IRF9: variants seen among roughly 807,000 people sequenced by gnomAD.
IRF9 encodes interferon regulatory factor 9, also known as IFN-alpha-responsive transcription factor subunit.
IRF9 carries 13 observed loss-of-function variants against 44.1 expected under a neutral mutation model. The observed-to-expected ratio is 0.29, with a 90% CI of 0.19 to 0.47. The LOEUF is 0.47. IRF9 is among the 20% of genes least tolerant of loss of function. The pLI is 1.00. For missense variants in IRF9, 373 were observed against 496.1 expected, an observed-to-expected ratio of 0.75 and a Z score of 2.36; for synonymous variants, 189 against 188.5, an observed-to-expected ratio of 1.00 and a Z score of -0.02.
At position 24,163,361 on chromosome 14, in the gene IRF9, C is replaced by G. The variant is rs748150009; in HGVS notation, c.365-17C>G. On this transcript the variant is annotated splice_polypyrimidine_tract_variant and intron_variant, in intron 3 of 8. Coordinates refer to ENST00000396864, the MANE Select transcript of IRF9 (RefSeq NM_006084.5). ...CTCAAGACCCTGACCTTTCTCTGTC[C>G]CTCAACAATTCCACAGGCCAGCCAG... The G allele has an allele frequency of 8.7e-6, 14 of 1,611,342 alleles. No individual in the cohort carries two copies. The highest frequency in any genetic ancestry group is 1.2e-5 in the Non-Finnish European group (14 of 1,178,310).
intron 2 of IRF9, 85 bp downstream of exon 2, chr14:24,162,409 G>A: frequency 7.4e-7 from 1 of 1,356,114 alleles, no homozygotes; most frequent in Non-Finnish European, 1.0e-6. Flanking sequence ...ACTTGCGTCT[G>A]CCTGGGTTTC....
Position 24,164,445 on chromosome 14 carries a change from T to C in IRF9, c.650-169T>C. ...CTACAAGCCCCTGGGCATTGAGCCC[T>C]GAGGCCTCATGGTGAATCACATACT... On this transcript the variant is annotated intron_variant, in intron 6 of 8. Transcript: ENST00000396864. The surrounding 1 kb of genome is among the most constrained non-coding windows in gnomAD (Gnocchi z 5.2). The C allele has an allele frequency of 3.0e-6, 2 of 675,670 alleles. No homozygotes were observed. The highest frequency in any genetic ancestry group is 5.0e-6 in the Non-Finnish European group (2 of 397,520). The allele number at this position is 675,670 out of a possible 1,614,324, so 41.9% of individuals were successfully genotyped here.
intron 3 of IRF9, 49 bp from the exon 4 acceptor site, chr14:24,163,329 G>A: frequency 6.3e-7 from 1 of 1,597,150 alleles, no homozygotes; most frequent in East Asian, 2.2e-5. Flanking sequence ...TTCACCCTCT[G>A]TCCTTGCTCA....
chr14:24,163,176 C>G, intron 3 of IRF9, 27 bp downstream of exon 3: 1 of 1,609,990 alleles, frequency 6.2e-7, no homozygotes, highest in East Asian at 2.2e-5. Context: ...CCAACCACTG[C>G]TAGACTCAGC....
chr14:24,166,131 G>C lies in IRF9; in HGVS notation c.1117G>C (p.Ala373Pro). 1 of 1,613,998 alleles carries C rather than the reference G, an allele frequency of 6.2e-7. No homozygotes were observed. Among genetic ancestry groups the C allele is most frequent in the Non-Finnish European group, 8.5e-7 (1 of 1,180,000 alleles). Residue 373 changes from alanine (A) to proline (P), a missense_variant, in exon 9 of 9, where the codon GCC becomes CCC. Transcript: ENST00000396864. ...ATCTCTTCCAATACAGATGGAGCAG[G>C]CCTTTGCCCGATACTTGCTGGAGCA... ...QNLITVKMEQAFARYLLEQTP... is the reference protein window; with the variant it reads ...QNLITVKMEQPFARYLLEQTP...
In IRF9 at chr14:24,164,334, C is replaced by A; in HGVS notation, c.649+200C>A. ...AAAGCTTGCTTCCCAAAAATACCAC[C>A]CTATACACTCTCCTGGAAATCTACA... is the stretch of plus-strand genomic sequence containing the variant. On this transcript the variant is annotated intron_variant, in intron 6 of 8. Transcript: ENST00000396864. This position sits in a 1 kb window ranked among gnomAD's most constrained non-coding sequence, Gnocchi z 5.2. 1.6e-6 allele frequency: 1 copy of A among 621,282 alleles called. No individual in the cohort carries two copies. Among genetic ancestry groups the A allele is most frequent in the East Asian group, 2.8e-5 (1 of 36,166 alleles). 38.5% of individuals were successfully genotyped at this position (621,282 alleles called of 1,614,324 possible).
At chr14:24,163,277 C>T in intron 3 of IRF9, 101 bp from the exon 4 acceptor site, 6 of 1,544,738 alleles carry the variant, frequency 3.9e-6, no homozygotes, top group Non-Finnish European at 5.3e-6. Context: ...CCCAGGTTTC[C>T]CTTCCTAGAC....
At chr14:24,165,032 C>G (rs1468110318) in intron 7 of IRF9, 77 bp downstream of exon 7, 1 of 1,293,494 alleles carries the variant, frequency 7.7e-7, no homozygotes, top group Admixed American at 1.8e-5. Context: ...TTGTTGGGTC[C>G]TGCTACCTCC....
chr14:24,162,614 A>T, intron 2 of IRF9: 1 of 423,304 alleles, frequency 2.4e-6, no homozygotes, highest in Middle Eastern at 6.4e-4. Context: ...AGCCTGGCCA[A>T]CATGGTGAAA....
chr14:24,162,434 T>A, intron 2 of IRF9, 110 bp downstream of exon 2: 1 of 1,073,042 alleles, frequency 9.3e-7, no homozygotes, highest in Non-Finnish European at 1.4e-6. Context: ...AAGGGACAGA[T>A]TGGAGAGGAA....
intron 2 of IRF9, chr14:24,162,713 T>C (rs1029801493): frequency 8.6e-6 from 4 of 467,784 alleles, no homozygotes; most frequent in East Asian, 7.8e-5. Context: ...GGCAGGAGAA[T>C]CGCTTGAACC....
At chr14:24,165,406 C>G (rs1324475077) in intron 7 of IRF9, 3 of 592,668 alleles carry the variant, frequency 5.1e-6, no homozygotes, top group Non-Finnish European at 9.1e-6. Flanking sequence ...CGCTTCTCTC[C>G]CATCCAATTC....
chr14:24,163,597 G>A, intron 4 of IRF9, 89 bp downstream of exon 4: 1 of 1,466,930 alleles, frequency 6.8e-7, no homozygotes, highest in African/African-American at 1.4e-5. Flanking sequence ...TGTGTCTTGG[G>A]AGGCCGAGGC....
chr14:24,162,403 G>T, intron 2 of IRF9, 79 bp downstream of exon 2: 1 of 1,393,746 alleles, frequency 7.2e-7, no homozygotes, highest in Non-Finnish European at 9.9e-7. Context: ...TCGAGCACTT[G>T]CGTCTGCCTG....
Position 24,164,050 on chromosome 14 carries a change from G to T in IRF9, c.578-13G>T, listed in dbSNP as rs1312045651. 4.3e-6 allele frequency: 7 copies of T among 1,613,880 alleles called. No individual in the cohort carries two copies. Among genetic ancestry groups the T allele is most frequent in the Non-Finnish European group, 5.1e-6 (6 of 1,179,942 alleles). Reference sequence around the variant, plus strand: ...CCCACTCTGAATGACCAGTGCCTTTGCTTCCCTTCCAGTTACAGACACAAC... The same window carrying T: ...CCCACTCTGAATGACCAGTGCCTTTTCTTCCCTTCCAGTTACAGACACAAC... On this transcript the variant is annotated splice_polypyrimidine_tract_variant and intron_variant, in intron 5 of 8. Transcript: ENST00000396864. This position sits in a 1 kb window ranked among gnomAD's most constrained non-coding sequence, Gnocchi z 5.2.
chr14:24,162,299 A>C lies in IRF9; in HGVS notation c.155A>C (p.Glu52Ala). The change falls in exon 2 of 9, where the codon GAG becomes GCG. Residue 52 changes from glutamate to alanine, a missense_variant. By Grantham distance (107) the Glu-to-Ala change is moderately radical. Around this residue, in one of 2 missense-constraint regions of IRF9, gnomAD observed 227 missense variants for 255.3 expected, o/e 0.89. Coordinates refer to ENST00000396864, the MANE Select transcript of IRF9 (RefSeq NM_006084.5). ...WKHAGKQDFR[E>A]DQDAAFFKAW... The stretch of plus-strand genomic sequence containing the variant: ...CATGCAGGCAAGCAGGACTTCCGGG[A>C]GGACCAGGATGCTGCCTTCTTCAAG... 6.2e-7 allele frequency: 1 copy of C among 1,614,058 alleles called. No individual in the cohort carries two copies. The highest frequency in any genetic ancestry group is 8.5e-7 in the Non-Finnish European group (1 of 1,179,982).
In IRF9 at chr14:24,163,149, G is replaced by A; in HGVS notation, c.364G>A (p.Gly122Ser). The change falls in exon 3 of 9, where the codon GGC (glycine) becomes AGC (serine). Residue 122 changes from glycine (G) to serine (S), a missense_variant and splice_region_variant. Gly to Ser is a moderately conservative substitution (Grantham distance 56, BLOSUM62 0). Around this residue, in one of 2 missense-constraint regions of IRF9, gnomAD observed 227 missense variants for 255.3 expected, o/e 0.89. Transcript: ENST00000396864. The part of the protein sequence containing the change: ...YQLLPPGIVS[G>S]QPGTQKVPSK... ...GTTGCTGCCACCAGGAATCGTCTCT[G>A]GTGAGTTTCCCCTTGTCCAACCACT... 1 of 1,613,584 alleles carries A rather than the reference G, an allele frequency of 6.2e-7. No homozygotes were observed. The highest frequency in any genetic ancestry group is 8.5e-7 in the Non-Finnish European group (1 of 1,179,800).
intron 3 of IRF9, 68 bp downstream of exon 3, chr14:24,163,217 T>C: frequency 6.3e-7 from 1 of 1,579,878 alleles, no homozygotes; most frequent in Non-Finnish European, 8.6e-7. Flanking sequence ...ATGTGCAGGC[T>C]TCCCCCAGGC....
chr14:24,164,864 G>T lies in IRF9; in HGVS notation c.900G>T (p.Trp300Cys). Residue 300 changes from tryptophan to cysteine, a missense_variant, in exon 7 of 9, where the codon TGG (tryptophan) becomes TGT (cysteine). Physicochemically the swap from Trp to Cys is radical, Grantham distance 215 (BLOSUM62 -2). Coordinates refer to ENST00000396864, the MANE Select transcript of IRF9 (RefSeq NM_006084.5). The surrounding 1 kb of genome is among the most constrained non-coding windows in gnomAD (Gnocchi z 5.2). ...GCCTTTGCCCCATCCCCATCTCCTGGAATGCACCCCAGGCTCCACCTGGGC... is the reference window on the plus strand; with the variant it reads ...GCCTTTGCCCCATCCCCATCTCCTGTAATGCACCCCAGGCTCCACCTGGGC... ...VQRLCPIPISWNAPQAPPGPG... is the reference protein window; with the variant it reads ...VQRLCPIPISCNAPQAPPGPG... The T allele has an allele frequency of 6.2e-7, 1 of 1,611,534 alleles. No individual in the cohort carries two copies.
Sources: gnomAD v4.1 joint callset for allele counts on GRCh38, gnomAD v4.1.1 for gene constraint, gnomAD v4.1.1 regional missense constraint, Gnocchi (gnomAD v3.1) non-coding constraint, MANE v1.5 for transcripts, NCBI Gene and HGNC (gene_info 2026-07-23, HGNC 2026-07-21) for gene names.